AGBL4: variants seen among roughly 807,000 people sequenced by gnomAD.
AGBL4 encodes cytosolic carboxypeptidase 6.
A neutral mutation model predicts 66.4 loss-of-function variants in AGBL4; 58 were observed. The observed-to-expected ratio is 0.87, with a 90% CI of 0.71 to 1.09. The LOEUF is 1.09. Among genes scored for constraint, AGBL4 ranks in the 50% least tolerant of loss-of-function variants. The pLI, the probability that AGBL4 is intolerant of heterozygous loss-of-function variation, is 0.00. For synonymous variants in AGBL4, 234 were observed against 222.9 expected (o/e 1.05, Z -0.44); for missense variants, 579 against 631.0 (o/e 0.92, Z 0.88).
chr1:49,171,102 T>G (rs538729915), intron 4 of AGBL4, among the ~76,000 whole-genome samples: 1 of 152,300 alleles, frequency 6.6e-6, no homozygotes, highest in Non-Finnish European at 1.5e-5. Flanking sequence ...AATGTCACAT[T>G]GCAAAAGGGT....
intron 3 of AGBL4, among the ~76,000 whole-genome samples, chr1:49,371,641 T>A (rs1292991753): frequency 6.6e-6 from 1 of 152,132 alleles, no homozygotes; most frequent in Non-Finnish European, 1.5e-5. Context: ...TCTTTGCAAT[T>A]TTAGTCACCC....
intron 2 of AGBL4, among the ~76,000 whole-genome samples, chr1:49,714,372 A>C (rs1399671155): frequency 2.0e-5 from 3 of 151,876 alleles, no homozygotes; most frequent in African/African-American, 7.3e-5. Context: ...CACTCTTATA[A>C]TTCTCCAATA....
At chr1:48,538,370 A>G (rs1270575715) in intron 12 of AGBL4, among the ~76,000 whole-genome samples, 1 of 152,204 alleles carries the variant, frequency 6.6e-6, no homozygotes, top group Non-Finnish European at 1.5e-5. Context: ...CCATTCTACA[A>G]AACCATATTT....
rs918781655 is a variant in AGBL4, at chr1:48,572,401, G to A, written c.1267+14603C>T. ...TCCACTATTCGCCTTGAGAGAGGGA[G>A]CTAAGGCGGAAGAAAAAGAGAAAAA... On this transcript the variant is annotated intron_variant, in intron 11 of 13. Transcript: ENST00000371839. Among the ~76,000 whole-genome samples the A allele has an allele frequency of 7.2e-5, 11 of 151,998 alleles. No individual in the cohort carries two copies. The South Asian group carries it at 2.1e-3, about 29-fold the overall frequency.
chr1:49,693,674 A>T (rs1290682234), intron 3 of AGBL4, among the ~76,000 whole-genome samples: 1 of 152,018 alleles, frequency 6.6e-6, no homozygotes, highest in East Asian at 1.9e-4. Flanking sequence ...TTGCACATTG[A>T]CTATTTTTAC....
chr1:49,496,993 A>G (rs757763544), intron 3 of AGBL4, among the ~76,000 whole-genome samples: 1 of 151,920 alleles, frequency 6.6e-6, no homozygotes, highest in Non-Finnish European at 1.5e-5. Context: ...CACCAACAGT[A>G]TGCAAATGTT....
At chr1:49,537,139 TAAACTC>T (rs1414758804) in intron 3 of AGBL4, among the ~76,000 whole-genome samples, 2 of 151,924 alleles carry the variant, frequency 1.3e-5, no homozygotes, top group East Asian at 3.8e-4. Context: ...TATATAAAAA[TAAACTC>T]AAGATGGAAT....
chr1:49,902,423 G>T (rs1336711479), intron 1 of AGBL4, among the ~76,000 whole-genome samples: 1 of 152,146 alleles, frequency 6.6e-6, no homozygotes, highest in Non-Finnish European at 1.5e-5. Flanking sequence ...ACAAGCATAT[G>T]AAAAAATGCT....
intron 5 of AGBL4, among the ~76,000 whole-genome samples, chr1:48,895,126 T>C (rs1369541526): frequency 6.6e-6 from 1 of 152,252 alleles, no homozygotes; most frequent in African/African-American, 2.4e-5. Flanking sequence ...AATCTAATAA[T>C]ATCCCACCAT....
chr1:49,879,453 G>A (rs1384128281), intron 1 of AGBL4, among the ~76,000 whole-genome samples: 1 of 148,712 alleles, frequency 6.7e-6, no homozygotes, highest in Non-Finnish European at 1.5e-5. Context: ...ATTCTGGGTT[G>A]AAAATTATTT....
intron 5 of AGBL4, among the ~76,000 whole-genome samples, chr1:48,888,694 G>A (rs1326009037): frequency 1.3e-5 from 2 of 151,936 alleles, no homozygotes; most frequent in African/African-American, 2.4e-5. Flanking sequence ...ATAAATACCA[G>A]GGTCAGTTAG....
At chr1:49,865,825 A>G in intron 1 of AGBL4, 1 of 215,106 alleles carries the variant, frequency 4.6e-6, no homozygotes, top group South Asian at 6.4e-5. Flanking sequence ...CTAAAGGAGC[A>G]TGTTCTAACC....
chr1:49,191,666 A>G (rs1647122025), intron 4 of AGBL4, among the ~76,000 whole-genome samples: 1 of 152,068 alleles, frequency 6.6e-6, no homozygotes. Flanking sequence ...TTTTATGTTC[A>G]TGAATACTCA....
intron 5 of AGBL4, among the ~76,000 whole-genome samples, chr1:48,930,253 T>C (rs1485829160): frequency 1.3e-5 from 2 of 152,082 alleles, no homozygotes; most frequent in Non-Finnish European, 2.9e-5. Flanking sequence ...AGGCTTCTGC[T>C]TGGCACGCTC....
At chr1:49,423,150 A>C (rs1227718628) in intron 3 of AGBL4, 1 of 152,198 alleles carries the variant, frequency 6.6e-6, no homozygotes, top group Non-Finnish European at 1.5e-5. Flanking sequence ...AATAGAAGAG[A>C]AGTAAATTTT....
chr1:49,517,020 G>T (rs780585974), intron 3 of AGBL4, among the ~76,000 whole-genome samples: 1 of 151,906 alleles, frequency 6.6e-6, no homozygotes, highest in Non-Finnish European at 1.5e-5. Context: ...CCTATACAAG[G>T]TATTATTTAT....
At chr1:49,111,596 A>G (rs901406045) in intron 4 of AGBL4, among the ~76,000 whole-genome samples, 5 of 152,236 alleles carry the variant, frequency 3.3e-5, no homozygotes, top group Admixed American at 6.5e-5. Context: ...TATGTCTCTC[A>G]TGCCATCTTC....
intron 3 of AGBL4, among the ~76,000 whole-genome samples, chr1:49,250,234 C>A (rs571577320): frequency 5.3e-5 from 8 of 152,138 alleles, no homozygotes; most frequent in Admixed American, 5.2e-4. Context: ...GTTCCCAACA[C>A]AGAGAAAAGA....
intron 6 of AGBL4, among the ~76,000 whole-genome samples, chr1:48,827,886 G>A (rs865993488): frequency 7.2e-5 from 11 of 152,052 alleles, no homozygotes; most frequent in Non-Finnish European, 1.2e-4. Context: ...CAGGAGCGGC[G>A]GCTCATGCCT....
Sources: allele counts gnomAD v4.1 joint callset (sites outside exome capture counted in the v4.1 genomes callset), GRCh38; gene constraint gnomAD v4.1.1; transcripts MANE v1.5; gene names NCBI Gene and HGNC (gene_info 2026-07-23, HGNC 2026-07-21).